RASA1: variants seen among roughly 807,000 people sequenced by gnomAD.
RASA1 encodes the protein RAS p21 protein activator 1.
A neutral mutation model predicts 132.2 loss-of-function variants in RASA1; 25 were observed. That is an observed-to-expected ratio of 0.19 (90% CI 0.14 to 0.26). The LOEUF is 0.26. Ranked by LOEUF, RASA1 falls within the 10% of genes least tolerant of loss-of-function variation. The probability of loss-of-function intolerance (pLI) is 1.00; values close to 1 mark genes in which losing one functional copy is unlikely to be tolerated. For synonymous variants in RASA1, 477 were observed against 449.9 expected (o/e 1.06, Z -0.76); for missense variants, 964 against 1,299.2 (o/e 0.74, Z 3.97).
At chr5:87,354,602 T>G (rs1302675057) in intron 9 of RASA1, among the ~76,000 whole-genome samples, 3 of 152,138 alleles carry the variant, frequency 2.0e-5, no homozygotes, top group African/African-American at 7.2e-5. Context: ...ACTATTAAAA[T>G]TGGGCCAATT....
At chr5:87,270,840 C>G (rs1486501689) in intron 1 of RASA1, among the ~76,000 whole-genome samples, 13 of 151,904 alleles carry the variant, frequency 8.6e-5, no homozygotes, top group Non-Finnish European at 2.9e-5. Context: ...ATGTAGTATT[C>G]CACTTTTTAT....
chr5:87,341,160 C>T, intron 5 of RASA1, 130 bp from the exon 6 acceptor site: 1 of 510,084 alleles, frequency 2.0e-6, no homozygotes, highest in Non-Finnish European at 3.1e-6. Context: ...TGAACAGAAA[C>T]ATCTTTTTTT....
intron 13 of RASA1, among the ~76,000 whole-genome samples, chr5:87,373,462 C>T (rs1761097874): frequency 6.6e-6 from 1 of 151,982 alleles, no homozygotes; most frequent in South Asian, 2.1e-4. Flanking sequence ...GAATCAGTCC[C>T]CCACAGATAC....
intron 5 of RASA1, among the ~76,000 whole-genome samples, chr5:87,339,552 T>C (rs1000884628): frequency 2.0e-5 from 3 of 152,132 alleles, no homozygotes; most frequent in African/African-American, 7.2e-5. Context: ...GAACTTTTCT[T>C]GAGCTCTTGG....
intron 1 of RASA1, among the ~76,000 whole-genome samples, chr5:87,272,161 A>C (rs954408504): frequency 3.3e-5 from 5 of 151,928 alleles, no homozygotes; most frequent in African/African-American, 4.8e-5. Flanking sequence ...AAAAAAAAAA[A>C]CACCATGATT....
Position 87,373,300 on chromosome 5 carries a change from C to T in RASA1, c.1777-863C>T, listed in dbSNP as rs376151897. Among the ~76,000 whole-genome samples the T allele has an allele frequency of 9.9e-5, 15 of 152,130 alleles. No individual in the cohort carries two copies. In the South Asian group the frequency reaches 2.5e-3, roughly 25 times the overall value. On this transcript the variant is annotated intron_variant, in intron 13 of 24. Coordinates refer to ENST00000274376, the MANE Select transcript of RASA1 (RefSeq NM_002890.3). ...ATAACAACTATGTACATAGCATTCA[C>T]ATTGTATTAGGTATTACAAGTAATC...
chr5:87,383,640 T>C, intron 20 of RASA1, 73 bp from the exon 21 acceptor site: 1 of 1,149,430 alleles, frequency 8.7e-7, no homozygotes, highest in Non-Finnish European at 1.2e-6. Flanking sequence ...TCTGTTTATA[T>C]ATATTGTTTT....
intron 9 of RASA1, among the ~76,000 whole-genome samples, chr5:87,357,377 A>G (rs2112442178): frequency 6.6e-6 from 1 of 152,182 alleles, no homozygotes; most frequent in East Asian, 1.9e-4. Flanking sequence ...CCATTGCTGT[A>G]TCCTCAATTC....
At chr5:87,355,403 G>A (rs1414327185) in intron 9 of RASA1, among the ~76,000 whole-genome samples, 2 of 152,254 alleles carry the variant, frequency 1.3e-5, no homozygotes, top group Middle Eastern at 3.4e-3. Flanking sequence ...TCTGTCAATG[G>A]AACTACAAAG....
Position 87,351,605 on chromosome 5 carries a change from A to C in RASA1, c.1254-1552A>C, listed in dbSNP as rs184148207. On this transcript the variant is annotated intron_variant, in intron 8 of 24. Coordinates refer to ENST00000274376, the MANE Select transcript of RASA1 (RefSeq NM_002890.3). ...AGTAAGTTTACATTGAATATGCTTT[A>C]GTTTTCTGAGATGTAAATCTGTCTG... Among the ~76,000 whole-genome samples the C allele has an allele frequency of 8.6e-5, 13 of 151,910 alleles. No homozygotes were observed. In the East Asian group the frequency reaches 2.5e-3, roughly 29 times the overall value.
chr5:87,298,457 C>T, intron 1 of RASA1, among the ~76,000 whole-genome samples: 1 of 150,030 alleles, frequency 6.7e-6, no homozygotes, highest in Non-Finnish European at 1.5e-5. Context: ...GAACAGGAAA[C>T]TGACAGGCAG....
At chr5:87,349,093 A>G (rs907392747) in intron 7 of RASA1, 121 bp from the exon 8 acceptor site, 1 of 1,230,846 alleles carries the variant, frequency 8.1e-7, no homozygotes, top group African/African-American at 1.6e-5. Flanking sequence ...AAAAAAAAAC[A>G]AGTTCCTGGT....
At chr5:87,341,391 G>A in intron 6 of RASA1, 70 bp downstream of exon 6, 1 of 1,138,336 alleles carries the variant, frequency 8.8e-7, no homozygotes, top group East Asian at 3.1e-5. Context: ...GGAAAACTTT[G>A]GCCAAAAAAA....
At chr5:87,362,915 T>C (rs928267467) in intron 10 of RASA1, among the ~76,000 whole-genome samples, 1 of 151,560 alleles carries the variant, frequency 6.6e-6, no homozygotes, top group Non-Finnish European at 1.5e-5. Context: ...TCTTTTTTTT[T>C]TTTGAGGAAC....
At chr5:87,364,139 T>C (rs910421823) in intron 11 of RASA1, among the ~76,000 whole-genome samples, 2 of 152,154 alleles carry the variant, frequency 1.3e-5, no homozygotes, top group Non-Finnish European at 2.9e-5. Flanking sequence ...TTACCATTTT[T>C]ATTACCTATT....
At chr5:87,328,789 C>A (rs1411399109) in intron 1 of RASA1, among the ~76,000 whole-genome samples, 3 of 152,054 alleles carry the variant, frequency 2.0e-5, no homozygotes, top group African/African-American at 4.8e-5. Flanking sequence ...TTGAGAAATA[C>A]TGTTTTTGAG....
intron 1 of RASA1, among the ~76,000 whole-genome samples, chr5:87,307,329 A>T (rs936866552): frequency 6.6e-6 from 1 of 152,070 alleles, no homozygotes; most frequent in African/African-American, 2.4e-5. Context: ...GAAACTTTGC[A>T]AATTATTAGC....
chr5:87,284,510 C>CT (rs1268798494), intron 1 of RASA1, among the ~76,000 whole-genome samples: 1 of 152,162 alleles, frequency 6.6e-6, no homozygotes, highest in Non-Finnish European at 1.5e-5. Context: ...TTAGTTCCTC[C>CT]TTGATGAAGA....
At position 87,348,662 on chromosome 5, in the gene RASA1, G is replaced by T. The variant is rs116662101; in HGVS notation, c.1103-552G>T. On this transcript the variant is annotated intron_variant, in intron 7 of 24. Transcript: ENST00000274376. Reference sequence around the variant, plus strand: ...TTAATTTTTTTTTTTTTAAGATGCAGGATCTTGCTGTGTTGTCCAGGCTGG... The same window carrying T: ...TTAATTTTTTTTTTTTTAAGATGCATGATCTTGCTGTGTTGTCCAGGCTGG... 6.7e-3 allele frequency among the ~76,000 whole-genome samples: 1,014 copies of T among 151,066 alleles called. 14 individuals are homozygous for T. The highest frequency in any genetic ancestry group is 0.024 in the African/African-American group (995 of 41,194).
Sources: allele counts gnomAD v4.1 joint callset (sites outside exome capture counted in the v4.1 genomes callset), GRCh38; gene constraint gnomAD v4.1.1; transcripts MANE v1.5; gene names NCBI Gene and HGNC (gene_info 2026-07-23, HGNC 2026-07-21).